The following PPP1R12B variants were observed in gnomAD, a reference collection of about 807,000 sequenced individuals.
The protein encoded by PPP1R12B is myosin phosphatase target subunit 2.
PPP1R12B carries 76 observed loss-of-function variants against 126.1 expected under a neutral mutation model. That is an observed-to-expected ratio of 0.60 (90% confidence interval 0.50 to 0.73). The LOEUF is 0.73. PPP1R12B is among the 30% of genes least tolerant of loss of function. The probability of loss-of-function intolerance (pLI) is 0.00; values close to 1 mark genes in which losing one functional copy is unlikely to be tolerated. For synonymous variants in PPP1R12B, 356 were observed against 434.7 expected, an observed-to-expected ratio of 0.82 and a Z score of 2.25; for missense variants, 1,052 against 1,205.1, an observed-to-expected ratio of 0.87 and a Z score of 1.88.
chr1:202,526,586 TA>T (rs1683372847), intron 18 of PPP1R12B, among the ~76,000 whole-genome samples: 1 of 151,956 alleles, frequency 6.6e-6, no homozygotes, highest in Admixed American at 6.6e-5. Context: ...ATAATAATGA[TA>T]AATCATGGAA....
chr1:202,381,054 G>T (rs1662173803), intron 1 of PPP1R12B, among the ~76,000 whole-genome samples: 1 of 151,978 alleles, frequency 6.6e-6, no homozygotes, highest in Non-Finnish European at 1.5e-5. Flanking sequence ...TAGCATTCCG[G>T]GATTTTTATA....
chr1:202,439,936 T>A (rs531021461), intron 10 of PPP1R12B: 46 of 166,148 alleles, frequency 2.8e-4, no homozygotes, highest in African/African-American at 1.1e-3. Flanking sequence ...TAAAGCCTCC[T>A]ACCCTGCAAA....
chr1:202,517,344 C>G (rs1039342743), intron 18 of PPP1R12B, among the ~76,000 whole-genome samples: 1 of 152,286 alleles, frequency 6.6e-6, no homozygotes, highest in South Asian at 2.1e-4. Flanking sequence ...TAGCCTCCAA[C>G]TTTACCATTA....
chr1:202,421,197 T>G (rs12753553), intron 2 of PPP1R12B, among the ~76,000 whole-genome samples: 2 of 151,886 alleles, frequency 1.3e-5, no homozygotes, highest in Non-Finnish European at 2.9e-5. Context: ...TCAAGTGATC[T>G]GCCCACCTCA....
chr1:202,391,347 T>G (rs1199422162), intron 1 of PPP1R12B, among the ~76,000 whole-genome samples: 1 of 152,072 alleles, frequency 6.6e-6, no homozygotes, highest in Non-Finnish European at 1.5e-5. Context: ...TTGTACCCAC[T>G]AGGATGACTA....
At chr1:202,494,683 G>A (rs1217132077) in intron 15 of PPP1R12B, among the ~76,000 whole-genome samples, 1 of 150,312 alleles carries the variant, frequency 6.7e-6, no homozygotes, top group East Asian at 1.9e-4. Context: ...TCCAGCCTGG[G>A]CAACAGAGCA....
chr1:202,474,252 A>T (rs988643425), intron 13 of PPP1R12B, among the ~76,000 whole-genome samples: 1 of 152,122 alleles, frequency 6.6e-6, no homozygotes, highest in African/African-American at 2.4e-5. Flanking sequence ...AAGAAAATGG[A>T]ATCAATTGCT....
intron 13 of PPP1R12B, among the ~76,000 whole-genome samples, chr1:202,483,425 G>C (rs1201969766): frequency 3.9e-5 from 6 of 151,932 alleles, no homozygotes; most frequent in African/African-American, 1.5e-4. Flanking sequence ...TCTAAGAGAA[G>C]CCCAAAAAGT....
chr1:202,541,401 G>T (rs2148963157), intron 18 of PPP1R12B, among the ~76,000 whole-genome samples: 1 of 152,310 alleles, frequency 6.6e-6, no homozygotes, highest in African/African-American at 2.4e-5. Flanking sequence ...TTTTGTGAGA[G>T]CACCAAGAGG....
chr1:202,512,374 C>T (rs550925275), intron 18 of PPP1R12B, among the ~76,000 whole-genome samples: 21 of 152,248 alleles, frequency 1.4e-4, no homozygotes, highest in Non-Finnish European at 1.2e-4. Context: ...AATATGAAAA[C>T]TCAGCAGGAT....
At chr1:202,429,343 AAT>A (rs2148657549) in intron 6 of PPP1R12B, among the ~76,000 whole-genome samples, 1 of 152,362 alleles carries the variant, frequency 6.6e-6, no homozygotes, top group South Asian at 2.1e-4. Flanking sequence ...TACAGAGAAG[AAT>A]ATATTTCTTA....
chr1:202,565,304 TC>T lies in PPP1R12B; in HGVS notation c.2757+759del, dbSNP rs1422312218. Reference sequence around the variant, plus strand: ...CAGGAAACCTATTGAGTTATTTCCCTCCTAGAATGCCTGGGGACTTAGAATT... The same window carrying T: ...CAGGAAACCTATTGAGTTATTTCCCTCTAGAATGCCTGGGGACTTAGAATT... On this transcript the variant is annotated intron_variant, in intron 21 of 23. Transcript: ENST00000608999. This position sits in a 1 kb window ranked among gnomAD's most constrained non-coding sequence, Gnocchi z 4.3. Among the ~76,000 whole-genome samples, 2 of 152,320 alleles carry T rather than the reference TC, an allele frequency of 1.3e-5. No individual in the cohort carries two copies. The highest frequency in any genetic ancestry group is 1.3e-4 in the Admixed American group (2 of 15,300).
chr1:202,368,068 C>G (rs1659563122), intron 1 of PPP1R12B, among the ~76,000 whole-genome samples: 1 of 151,980 alleles, frequency 6.6e-6, no homozygotes, highest in South Asian at 2.1e-4. Context: ...CTCCCAGGTT[C>G]AAGCGATTCT....
intron 13 of PPP1R12B, among the ~76,000 whole-genome samples, chr1:202,454,274 C>A (rs1410137305): frequency 6.6e-6 from 1 of 152,114 alleles, no homozygotes; most frequent in Non-Finnish European, 1.5e-5. Flanking sequence ...AGGGTTAAAT[C>A]AAAATATTAG....
At chr1:202,429,074 A>T (rs935959699) in intron 6 of PPP1R12B, 145 bp downstream of exon 6, 3 of 651,962 alleles carry the variant, frequency 4.6e-6, no homozygotes, top group Non-Finnish European at 7.4e-6. Context: ...CACTTCAGGA[A>T]CTATAAACAG....
intron 1 of PPP1R12B, among the ~76,000 whole-genome samples, chr1:202,366,980 T>C (rs866973916): frequency 2.0e-4 from 30 of 152,328 alleles, no homozygotes; most frequent in African/African-American, 6.5e-4. Flanking sequence ...AGTGAAGTCA[T>C]GTGCATAGTT....
chr1:202,369,148 G>T (rs1343650957), intron 1 of PPP1R12B, among the ~76,000 whole-genome samples: 1 of 152,160 alleles, frequency 6.6e-6, no homozygotes, highest in East Asian at 1.9e-4. Context: ...ACACAGGTGG[G>T]TCTTGCTTGG....
intron 15 of PPP1R12B, among the ~76,000 whole-genome samples, chr1:202,493,803 A>G (rs1679196044): frequency 6.6e-6 from 1 of 152,218 alleles, no homozygotes; most frequent in Non-Finnish European, 1.5e-5. Flanking sequence ...TGGTTAAGCC[A>G]GAGTTTGAAC....
intron 1 of PPP1R12B, among the ~76,000 whole-genome samples, chr1:202,393,199 T>G (rs1356412867): frequency 2.6e-5 from 4 of 152,094 alleles, no homozygotes; most frequent in Non-Finnish European, 4.4e-5. Context: ...CTACCTACCT[T>G]GATCTCCCAA....
Sources: gnomAD v4.1 joint callset for allele counts (sites outside exome capture counted in the v4.1 genomes callset) on GRCh38, gnomAD v4.1.1 for gene constraint, Gnocchi (gnomAD v3.1) non-coding constraint, MANE v1.5 for transcripts, NCBI Gene and HGNC (gene_info 2026-07-23, HGNC 2026-07-21) for gene names.